The following MOK variants were observed in gnomAD, a reference collection of about 807,000 sequenced individuals.
The protein encoded by MOK is MOK protein kinase.
Under a neutral mutation model 54.2 loss-of-function variants are expected in MOK, and 59 were observed. The ratio of observed to expected loss-of-function variants is 1.09; its 90% CI spans 0.88 to 1.35. The LOEUF (loss-of-function observed/expected upper bound fraction) is 1.35, where lower values mean the gene tolerates loss of function less well. MOK is among the 40% of genes most tolerant of loss of function. The pLI is 0.00. For missense variants in MOK, 517 were observed against 526.2 expected (o/e 0.98, Z 0.17); for synonymous variants, 210 against 202.7 (o/e 1.04, Z -0.31).
At chr14:102,252,504 C>T (rs2066613620) in intron 4 of MOK, among the ~76,000 whole-genome samples, 1 of 151,958 alleles carries the variant, frequency 6.6e-6, no homozygotes, top group African/African-American at 2.4e-5. Flanking sequence ...AATTACATAG[C>T]ACATACATTT....
In MOK at chr14:102,229,188, C is replaced by T. The variant is rs764813682; in HGVS notation, c.*101G>A. ...CCGGCCAGCGCGAAACGGACGCAGG[C>T]GCATCCCCAGCCCTCCGTGGCGTCT... On this transcript the variant is annotated 3_prime_UTR_variant, in exon 12 of 12. Coordinates refer to ENST00000361847, the MANE Select transcript of MOK (RefSeq NM_014226.3). The T allele has an allele frequency of 1.6e-6, 2 of 1,270,036 alleles. No individual in the cohort carries two copies. Among genetic ancestry groups the T allele is most frequent in the Non-Finnish European group, 1.1e-6 (1 of 922,140 alleles). The allele number at this position is 1,270,036 out of a possible 1,614,324, so 78.7% of individuals were successfully genotyped here.
At chr14:102,262,325 T>C (rs1296036441) in intron 4 of MOK, among the ~76,000 whole-genome samples, 1 of 152,162 alleles carries the variant, frequency 6.6e-6, no homozygotes, top group Admixed American at 6.5e-5. Flanking sequence ...TTTTTGTGTG[T>C]ATTTTTTAGT....
chr14:102,251,435 G>A, intron 6 of MOK: 1 of 439,774 alleles, frequency 2.3e-6, no homozygotes, highest in Non-Finnish European at 4.3e-6. Context: ...GCTTGGGAGT[G>A]AGACGGACCT....
chr14:102,304,940 C>T (rs1430890045), intron 1 of MOK, 22 bp downstream of exon 1: 1 of 1,605,524 alleles, frequency 6.2e-7, no homozygotes, highest in Non-Finnish European at 8.5e-7. Context: ...CAGTCCCTGC[C>T]CCTTTCCCCG....
intron 1 of MOK, among the ~76,000 whole-genome samples, chr14:102,291,548 C>T (rs1476980994): frequency 6.6e-6 from 1 of 152,176 alleles, no homozygotes; most frequent in African/African-American, 2.4e-5. Flanking sequence ...CCAAAATTTA[C>T]CCCTTCTCTT....
the MOK span, chr14:102,214,837 T>A: frequency 1.0e-6 from 1 of 983,890 alleles, no homozygotes; most frequent in Non-Finnish European, 1.2e-6. Context: ...AGTATTGTTT[T>A]ATAATTTTAA....
chr14:102,298,181 A>G (rs951694616), intron 1 of MOK, among the ~76,000 whole-genome samples: 2 of 152,216 alleles, frequency 1.3e-5, no homozygotes, highest in African/African-American at 4.8e-5. Context: ...GAGAACCTTT[A>G]TGTCTAACTA....
At chr14:102,260,840 G>T (rs1362705042) in intron 4 of MOK, among the ~76,000 whole-genome samples, 1 of 152,066 alleles carries the variant, frequency 6.6e-6, no homozygotes, top group Admixed American at 6.6e-5. Flanking sequence ...TATATTCTAA[G>T]GCTGGGCGCA....
downstream of MOK, among the ~76,000 whole-genome samples, chr14:102,228,254 T>C (rs1433147126): frequency 6.6e-6 from 1 of 152,228 alleles, no homozygotes; most frequent in Admixed American, 6.5e-5. Flanking sequence ...AATGACAACG[T>C]GGTCACCTTG....
At chr14:102,254,204 G>A (rs2066750735) in intron 4 of MOK, among the ~76,000 whole-genome samples, 1 of 152,126 alleles carries the variant, frequency 6.6e-6, no homozygotes, top group African/African-American at 2.4e-5. Context: ...TGACCAGGCT[G>A]GTCTTGAACT....
intron 4 of MOK, chr14:102,260,584 T>A (rs2067306675): frequency 6.6e-6 from 1 of 152,110 alleles, no homozygotes; most frequent in South Asian, 2.1e-4. Flanking sequence ...CTGTTGGCCA[T>A]TCTCCTTACA....
chr14:102,291,941 G>A lies in MOK; in HGVS notation c.8-8349C>T, dbSNP rs1445262013. 9.4e-5 allele frequency among the ~76,000 whole-genome samples: 14 copies of A among 149,018 alleles called. No individual in the cohort carries two copies. In the East Asian group the frequency reaches 2.7e-3, roughly 29 times the overall value. ...CCACTGTACTGAAGCCTGGGCAACA[G>A]AGCAAAACTCTGTCTCAAAAAAAAA... is the stretch of plus-strand genomic sequence containing the variant. On this transcript the variant is annotated intron_variant, in intron 1 of 11. Coordinates refer to ENST00000361847, the MANE Select transcript of MOK (RefSeq NM_014226.3).
chr14:102,250,871 C>T lies in MOK; in HGVS notation c.531G>A (p.Gly177=). The T allele has an allele frequency of 6.2e-7, 1 of 1,614,048 alleles. No homozygotes were observed. Residue 177 remains glycine (G), a synonymous_variant, in exon 7 of 12, where the codon GGG becomes GGA. Coordinates refer to ENST00000361847, the MANE Select transcript of MOK (RefSeq NM_014226.3). Reference sequence around the variant, plus strand: ...ACAGGTCCATCTTGTACGTGTAGAACCCATCAGTGAGGAGACACTCCGGGG... The same window carrying T: ...ACAGGTCCATCTTGTACGTGTAGAATCCATCAGTGAGGAGACACTCCGGGG... ...YRAPECLLTD[G]FYTYKMDLWS...
rs545004885 is a variant in MOK, at chr14:102,262,896, G to A, written c.283+650C>T. On this transcript the variant is annotated intron_variant, in intron 4 of 11. Transcript: ENST00000361847. ...TTGCTTTCTTAGTGAGATATACAAGGTTCATTTGTTCTGACATCTAACACA... is the reference window on the plus strand; with the variant it reads ...TTGCTTTCTTAGTGAGATATACAAGATTCATTTGTTCTGACATCTAACACA... 3.3e-4 allele frequency among the ~76,000 whole-genome samples: 50 copies of A among 152,244 alleles called. No individual in the cohort carries two copies. In the South Asian group the frequency reaches 9.7e-3, roughly 30 times the overall value.
intron 7 of MOK, among the ~76,000 whole-genome samples, chr14:102,247,763 G>A (rs182565936): frequency 1.5e-4 from 23 of 152,252 alleles, no homozygotes; most frequent in Admixed American, 1.2e-3. Context: ...TGCTTTTATC[G>A]TAACCAATCT....
downstream of MOK, among the ~76,000 whole-genome samples, chr14:102,224,096 C>G (rs1007206426): frequency 3.6e-5 from 5 of 140,798 alleles, no homozygotes; most frequent in African/African-American, 1.4e-4. Flanking sequence ...GGCTGGAGTG[C>G]AGTGGCGCAA....
chr14:102,249,048 C>T lies in MOK; in HGVS notation c.590+1764G>A, dbSNP rs889189821. Among the ~76,000 whole-genome samples the T allele has an allele frequency of 6.6e-6, 1 of 151,922 alleles. No homozygotes were observed. Among genetic ancestry groups the T allele is most frequent in the Non-Finnish European group, 1.5e-5 (1 of 67,980 alleles). ...CGCGAGGAACTCAGCCTGGCGTGTG[C>T]AGCGACCCTCACCACACGGAACACG... On this transcript the variant is annotated intron_variant, in intron 7 of 11. Coordinates refer to ENST00000361847, the MANE Select transcript of MOK (RefSeq NM_014226.3). The surrounding 1 kb of genome is among the most constrained non-coding windows in gnomAD (Gnocchi z 5.3).
At chr14:102,221,668 G>A (rs904972625), downstream of MOK, among the ~76,000 whole-genome samples, 2 of 152,196 alleles carry the variant, frequency 1.3e-5, no homozygotes, top group Non-Finnish European at 1.5e-5. The surrounding 1 kb of genome is among the most constrained non-coding windows in gnomAD (Gnocchi z 4.8). Flanking sequence ...GGTAAGAAAC[G>A]GGATGAAATG....
At chr14:102,280,174 CAA>C (rs994297537) in intron 2 of MOK, among the ~76,000 whole-genome samples, 4 of 152,040 alleles carry the variant, frequency 2.6e-5, no homozygotes, top group African/African-American at 9.6e-5. Flanking sequence ...CCTCGCATAC[CAA>C]AAGTGCCTGG....
Sources: gnomAD v4.1 joint callset for allele counts (sites outside exome capture counted in the v4.1 genomes callset) on GRCh38, gnomAD v4.1.1 for gene constraint, Gnocchi (gnomAD v3.1) non-coding constraint, MANE v1.5 for transcripts, NCBI Gene and HGNC (gene_info 2026-07-23, HGNC 2026-07-21) for gene names.